Variants in EYS observed in about 807,000 individuals in gnomAD.
EYS encodes the protein EGF-like photoreceptor maintenance factor.
EYS carries 250 observed loss-of-function variants against 282.1 expected under a neutral mutation model. The observed-to-expected ratio is 0.89, with a 90% CI of 0.80 to 0.98. The LOEUF is 0.98. Ranked by LOEUF, EYS falls within the 50% of genes least tolerant of loss-of-function variation. The pLI, the probability that EYS is intolerant of heterozygous loss-of-function variation, is 0.00. For synonymous variants in EYS, 1,355 were observed against 1,282.9 expected, an observed-to-expected ratio of 1.06 and a Z score of -1.20; for missense variants, 4,016 against 3,709.0, an observed-to-expected ratio of 1.08 and a Z score of -2.15.
chr6:63,980,803 G>A (rs144532721), intron 35 of EYS, among the ~76,000 whole-genome samples: 1 of 151,962 alleles, frequency 6.6e-6, no homozygotes, highest in East Asian at 2.0e-4. Context: ...AAAAAACAGA[G>A]CCAAAGGATG....
intron 33 of EYS, among the ~76,000 whole-genome samples, chr6:64,063,503 C>T (rs1305040239): frequency 2.6e-5 from 4 of 152,034 alleles, no homozygotes; most frequent in Non-Finnish European, 2.9e-5. Flanking sequence ...CACTTTAGTC[C>T]AAGCCACCAT....
At chr6:64,321,779 G>A (rs965799625) in intron 29 of EYS, among the ~76,000 whole-genome samples, 4 of 151,718 alleles carry the variant, frequency 2.6e-5, no homozygotes, top group African/African-American at 9.7e-5. Flanking sequence ...AGAAAAAATT[G>A]GATGGTAATT....
rs544503477 is a variant in EYS at position 65,260,337 on chromosome 6, T to C, written c.2023+35526A>G. 3.9e-5 allele frequency among the ~76,000 whole-genome samples: 6 copies of C among 152,218 alleles called. No homozygotes were observed. The South Asian group carries it at 1.0e-3, about 26-fold the overall frequency. ...TGTGTGGGGAGACAAAGCTTAACCA[T>C]ATCACTCAATTTCAAAGACCTGCCT... On this transcript the variant is annotated intron_variant, in intron 12 of 42. Transcript: ENST00000503581.
chr6:63,979,445 A>G (rs568362567), intron 35 of EYS, among the ~76,000 whole-genome samples: 1 of 152,078 alleles, frequency 6.6e-6, no homozygotes, highest in East Asian at 1.9e-4. Flanking sequence ...TCACTGCATG[A>G]TAAAATACAT....
chr6:65,335,152 G>A lies in EYS; in HGVS notation c.1600-6C>T, dbSNP rs1191036660. 1.3e-6 allele frequency: 2 copies of A among 1,590,870 alleles called. No individual in the cohort carries two copies. The highest frequency in any genetic ancestry group is 2.7e-5 in the African/African-American group (2 of 74,300). On this transcript the variant is annotated splice_polypyrimidine_tract_variant and splice_region_variant and intron_variant, in intron 10 of 42. Coordinates refer to ENST00000503581, the MANE Select transcript of EYS (RefSeq NM_001142800.2). The stretch of plus-strand genomic sequence containing the variant: ...CTGCATCCATTTGCACAAATCTATA[G>A]CAACGAAAGAAGTAAAAATGTTATG...
Position 63,906,318 on chromosome 6 carries a change from C to T in EYS, c.7056-41960G>A, listed in dbSNP as rs185115191. ...GACATTTTATGTTTTATCTGAGGTGCCATCCACAAATTACGGCACCTATTA... is the reference window on the plus strand; with the variant it reads ...GACATTTTATGTTTTATCTGAGGTGTCATCCACAAATTACGGCACCTATTA... On this transcript the variant is annotated intron_variant, in intron 35 of 42. Coordinates refer to ENST00000503581, the MANE Select transcript of EYS (RefSeq NM_001142800.2). Among the ~76,000 whole-genome samples, 80 of 152,266 alleles carry T rather than the reference C, an allele frequency of 5.3e-4. 1 individual carries two copies. Among genetic ancestry groups the T allele is most frequent in the Non-Finnish European group, 6.8e-4 (46 of 68,026 alleles).
chr6:64,427,892 C>A (rs1029003589), intron 28 of EYS, among the ~76,000 whole-genome samples: 1 of 152,022 alleles, frequency 6.6e-6, no homozygotes, highest in Non-Finnish European at 1.5e-5. Context: ...CATTAATTTT[C>A]TGAAATAATG....
chr6:64,390,351 C>T (rs1182385598), intron 28 of EYS, among the ~76,000 whole-genome samples: 1 of 152,160 alleles, frequency 6.6e-6, no homozygotes, highest in Admixed American at 6.5e-5. Flanking sequence ...ACAGCAGTAA[C>T]CTCTGCAGAC....
intron 1 of EYS, among the ~76,000 whole-genome samples, chr6:65,666,669 C>A (rs917355954): frequency 5.9e-5 from 9 of 151,400 alleles, no homozygotes; most frequent in African/African-American, 2.2e-4. Context: ...TAAATTTTGA[C>A]TTTTCTCTAA....
chr6:64,707,508 G>C (rs762546398), intron 22 of EYS, among the ~76,000 whole-genome samples: 2 of 151,644 alleles, frequency 1.3e-5, no homozygotes, highest in African/African-American at 4.8e-5. Flanking sequence ...TCTCTACTAA[G>C]AATACAAAAA....
intron 35 of EYS, among the ~76,000 whole-genome samples, chr6:63,961,167 A>T (rs1562118418): frequency 2.0e-5 from 3 of 152,338 alleles, no homozygotes; most frequent in Middle Eastern, 3.4e-3. Flanking sequence ...TTGTCTGATT[A>T]GGGCTTACTT....
intron 23 of EYS, among the ~76,000 whole-genome samples, chr6:64,625,435 A>G (rs1767574987): frequency 2.0e-5 from 3 of 152,192 alleles, no homozygotes. Context: ...GAACAAGTTG[A>G]TGACAGATCC....
At chr6:65,566,323 C>T (rs757309336) in intron 2 of EYS, among the ~76,000 whole-genome samples, 1 of 151,744 alleles carries the variant, frequency 6.6e-6, no homozygotes, top group Admixed American at 6.6e-5. Context: ...AGTATACTGG[C>T]AAGTCACTGA....
intron 5 of EYS, among the ~76,000 whole-genome samples, chr6:65,433,675 G>A (rs1017256031): frequency 4.6e-5 from 7 of 152,066 alleles, no homozygotes; most frequent in African/African-American, 1.7e-4. Context: ...GAAATATTTC[G>A]GGAGTTGTTA....
intron 5 of EYS, among the ~76,000 whole-genome samples, chr6:65,436,622 C>A (rs897977271): frequency 2.4e-4 from 36 of 152,068 alleles, no homozygotes; most frequent in Non-Finnish European, 4.1e-4. Flanking sequence ...TGGTTGAGAA[C>A]CCTGTTCTAT....
intron 35 of EYS, among the ~76,000 whole-genome samples, chr6:63,928,095 A>G (rs1021526084): frequency 7.9e-5 from 12 of 152,188 alleles, no homozygotes; most frequent in African/African-American, 2.9e-4. Context: ...CAATGGTATA[A>G]TGGTATAATA....
At chr6:64,233,718 C>T (rs949241549) in intron 30 of EYS, among the ~76,000 whole-genome samples, 2 of 152,134 alleles carry the variant, frequency 1.3e-5, no homozygotes, top group African/African-American at 4.8e-5. Context: ...TCTTCAATAA[C>T]TTTTTCTTAA....
Position 63,720,630 on chromosome 6 carries a change from AC to A in EYS, c.9400del (p.Val3134PhefsTer51), listed in dbSNP as rs886042614. The A allele has an allele frequency of 3.3e-6, 5 of 1,510,858 alleles. No homozygotes were observed. The highest frequency in any genetic ancestry group is 4.4e-6 in the Non-Finnish European group (5 of 1,128,138). 93.6% of individuals were successfully genotyped at this position (1,510,858 alleles called of 1,614,324 possible). On this transcript the variant is annotated frameshift_variant, in exon 43 of 43. Coordinates refer to ENST00000503581, the MANE Select transcript of EYS (RefSeq NM_001142800.2). LOFTEE classifies it high-confidence loss of function. ...IELIKLEGYNVYDGDEQNEVT is the reference protein window; with the variant it reads ...IELIKLEGYNXYDGDEQNEVT ...CTCATTTTGTTCATCTCCATCATAA[AC>A]ATTGTATCCTTCTAATTTAATTAGT...
At chr6:64,465,363 T>C (rs1775883782) in intron 26 of EYS, among the ~76,000 whole-genome samples, 1 of 152,126 alleles carries the variant, frequency 6.6e-6, no homozygotes, top group Non-Finnish European at 1.5e-5. Context: ...TTTCAAAATC[T>C]GCTACCAAGC....
Sources: gnomAD v4.1 joint callset for allele counts (sites outside exome capture counted in the v4.1 genomes callset) on GRCh38, gnomAD v4.1.1 for gene constraint, MANE v1.5 for transcripts, NCBI Gene and HGNC (gene_info 2026-07-23, HGNC 2026-07-21) for gene names.